MINDY2: variants seen among roughly 807,000 people sequenced by gnomAD.
The protein encoded by MINDY2 is ubiquitin carboxyl-terminal hydrolase MINDY-2.
MINDY2 carries 52 observed loss-of-function variants against 68.2 expected under a neutral mutation model. That is an observed-to-expected ratio of 0.76 (90% CI 0.61 to 0.96). The LOEUF (loss-of-function observed/expected upper bound fraction) is 0.96. Ranked by LOEUF, MINDY2 falls within the 40% of genes least tolerant of loss-of-function variation. The pLI is 0.00. For synonymous variants in MINDY2, 372 were observed against 303.0 expected (o/e 1.23, Z -2.36); for missense variants, 881 against 773.4 (o/e 1.14, Z -1.65).
chr15:58,840,627 ACTT>A (rs1482602201), intron 6 of MINDY2, among the ~76,000 whole-genome samples: 2 of 127,786 alleles, frequency 1.6e-5, no homozygotes, highest in East Asian at 4.7e-4. Flanking sequence ...CTATTTATTT[ACTT>A]ATTATTATTA....
At position 58,847,172 on chromosome 15, in the gene MINDY2, C is replaced by G. The variant is rs556755010; in HGVS notation, c.1369-125C>G. 17 of 681,668 alleles carry G rather than the reference C, an allele frequency of 2.5e-5. No homozygotes were observed. The East Asian group carries it at 4.1e-4, about 17-fold the overall frequency. The allele number at this position is 681,668 out of a possible 1,614,324, so 42.2% of individuals were successfully genotyped here. A position where few individuals can be genotyped will look rare whatever the true frequency, so the allele number is the denominator to read the frequency against. On this transcript the variant is annotated intron_variant, in intron 6 of 8. Coordinates refer to ENST00000559228, the MANE Select transcript of MINDY2 (RefSeq NM_001040450.3). ...TACTTGGTCTATTTATTGTGTTGTA[C>G]AGATCTAAACAGTAGGAATGTTTAA...
Position 58,855,366 on chromosome 15 carries a change from A to T in MINDY2, c.*756A>T, listed in dbSNP as rs1387678111. The T allele has an allele frequency of 6.6e-6, 1 of 152,630 alleles. No individual in the cohort carries two copies. Among genetic ancestry groups the T allele is most frequent in the African/African-American group, 2.4e-5 (1 of 41,458 alleles). The allele number at this position is 152,630 out of a possible 1,614,324, so 9.5% of individuals were successfully genotyped here. ...GAATTTTGGAGTCTTTATCATAGGT[A>T]ACCTGGACCACAGTTACTATTTATT... is the stretch of plus-strand genomic sequence containing the variant. On this transcript the variant is annotated 3_prime_UTR_variant, in exon 9 of 9. Transcript: ENST00000559228.
intron 8 of MINDY2, among the ~76,000 whole-genome samples, chr15:58,853,932 A>T (rs1341869346): frequency 2.6e-5 from 4 of 152,024 alleles, no homozygotes; most frequent in Non-Finnish European, 1.5e-5. Flanking sequence ...CTAAACTTTT[A>T]ACAAATGTGT....
intron 2 of MINDY2, among the ~76,000 whole-genome samples, chr15:58,792,397 A>G (rs570202932): frequency 3.3e-5 from 5 of 152,172 alleles, no homozygotes; most frequent in Non-Finnish European, 5.9e-5. Context: ...CACAATGTCA[A>G]GAGTTTGAGA....
chr15:58,771,839 C>T lies in MINDY2; in HGVS notation c.444C>T (p.Ser148=). ...TCQAELTAAG[S]EEPSSAGGLS... is the part of the protein sequence containing the mutation. ...AAGCAGAACTGACCGCCGCCGGCTC[C>T]GAAGAGCCCAGCAGCGCCGGCGGCC... Residue 148 remains serine, a synonymous_variant, in exon 1 of 9, where the codon TCC becomes TCT. Coordinates refer to ENST00000559228, the MANE Select transcript of MINDY2 (RefSeq NM_001040450.3). The T allele has an allele frequency of 6.2e-7, 1 of 1,606,976 alleles. No homozygotes were observed. Among genetic ancestry groups the T allele is most frequent in the Non-Finnish European group, 8.5e-7 (1 of 1,177,200 alleles).
At chr15:58,817,762 A>G (rs2030791835) in intron 4 of MINDY2, 1 of 152,136 alleles carries the variant, frequency 6.6e-6, no homozygotes, top group African/African-American at 2.4e-5. Flanking sequence ...ACAATATTAA[A>G]TGTTGGTGAA....
At chr15:58,836,709 C>T (rs1480675654) in intron 6 of MINDY2, among the ~76,000 whole-genome samples, 1 of 152,088 alleles carries the variant, frequency 6.6e-6, no homozygotes, top group African/African-American at 2.4e-5. Flanking sequence ...ACCTCTGCCT[C>T]CTGGGTTCAA....
chr15:58,821,537 C>G (rs1016822350), intron 4 of MINDY2, among the ~76,000 whole-genome samples, 180 bp from the exon 5 acceptor site: 6 of 152,090 alleles, frequency 3.9e-5, no homozygotes, highest in Non-Finnish European at 5.9e-5. Context: ...ATGTGTCCTA[C>G]TGAGCTGTAA....
intron 4 of MINDY2, among the ~76,000 whole-genome samples, chr15:58,813,586 C>T (rs905695848): frequency 2.0e-5 from 3 of 152,010 alleles, no homozygotes; most frequent in Non-Finnish European, 2.9e-5. Flanking sequence ...ATCATAGTTG[C>T]TTGTTGGTTT....
intron 4 of MINDY2, among the ~76,000 whole-genome samples, chr15:58,814,969 T>C (rs1159219910): frequency 6.6e-6 from 1 of 151,986 alleles, no homozygotes; most frequent in Non-Finnish European, 1.5e-5. Context: ...TCACTTTATT[T>C]TTTCTTTTGT....
chr15:58,829,148 T>C (rs1300472442), intron 5 of MINDY2, among the ~76,000 whole-genome samples: 2 of 152,206 alleles, frequency 1.3e-5, no homozygotes, highest in African/African-American at 4.8e-5. Context: ...TTTAAATAGT[T>C]GTAAAAAGTT....
rs553572919 is a variant in MINDY2, at chr15:58,784,925, G to A, written c.841-2981G>A. The stretch of plus-strand genomic sequence containing the variant: ...GCTGGGACTGTAGACGTGAGCCACC[G>A]TACCCAGCCTGTTATTTTTTTCATT... On this transcript the variant is annotated intron_variant, in intron 1 of 8. Coordinates refer to ENST00000559228, the MANE Select transcript of MINDY2 (RefSeq NM_001040450.3). Among the ~76,000 whole-genome samples the A allele has an allele frequency of 7.6e-4, 115 of 151,770 alleles. 1 individual carries two copies. Among genetic ancestry groups the A allele is most frequent in the African/African-American group, 2.6e-3 (109 of 41,414 alleles).
chr15:58,854,439 C>T (rs2140878445), intron 8 of MINDY2, 43 bp from the exon 9 acceptor site: 1 of 1,587,700 alleles, frequency 6.3e-7, no homozygotes, highest in Non-Finnish European at 8.5e-7. Context: ...GTAAGTCCCT[C>T]AGAATAGTTA....
At chr15:58,780,180 G>T (rs7164053) in intron 1 of MINDY2, among the ~76,000 whole-genome samples, 1 of 151,842 alleles carries the variant, frequency 6.6e-6, no homozygotes, top group South Asian at 2.1e-4. Context: ...CGAGGCAGGC[G>T]GATCACTTGA....
At chr15:58,794,359 GTGTGTGT>G (rs1902141324) in intron 2 of MINDY2, among the ~76,000 whole-genome samples, 1 of 18,424 alleles carries the variant, frequency 5.4e-5, no homozygotes, top group Non-Finnish European at 4.3e-4. Flanking sequence ...TTTTTTTGGG[GTGTGTGT>G]GTGTGTGTGT....
chr15:58,782,009 A>C (rs1901180257), intron 1 of MINDY2, among the ~76,000 whole-genome samples: 1 of 152,200 alleles, frequency 6.6e-6, no homozygotes, highest in Admixed American at 6.5e-5. Flanking sequence ...ACTAGTAGTA[A>C]ATGAATAGTA....
At chr15:58,799,091 G>T (rs1159606063) in intron 2 of MINDY2, among the ~76,000 whole-genome samples, 1 of 152,206 alleles carries the variant, frequency 6.6e-6, no homozygotes, top group African/African-American at 2.4e-5. Context: ...ATTTTGATGG[G>T]AGGTGGGGGA....
intron 6 of MINDY2, among the ~76,000 whole-genome samples, chr15:58,839,818 G>C (rs76631723): frequency 0.023 from 3,416 of 150,984 alleles, 117 homozygotes; most frequent in African/African-American, 0.076. Context: ...TTTTACCACA[G>C]CTGATTTTAT....
chr15:58,833,454 C>T (rs1315085935), intron 6 of MINDY2, among the ~76,000 whole-genome samples: 5 of 152,204 alleles, frequency 3.3e-5, no homozygotes, highest in African/African-American at 7.2e-5. Context: ...AAAAGGGGGC[C>T]CAGGGGACCA....
Sources: gnomAD v4.1 joint callset for allele counts (sites outside exome capture counted in the v4.1 genomes callset) on GRCh38, gnomAD v4.1.1 for gene constraint, MANE v1.5 for transcripts, NCBI Gene and HGNC (gene_info 2026-07-23, HGNC 2026-07-21) for gene names.